ATXN1: variants seen among roughly 807,000 people sequenced by gnomAD.
ATXN1 encodes ataxin-1.
A neutral mutation model predicts 56.4 loss-of-function variants in ATXN1; 8 were observed. The observed-to-expected ratio is 0.14, with a 90% CI of 0.08 to 0.26. The LOEUF (loss-of-function observed/expected upper bound fraction) is 0.26, where lower values mean the gene tolerates loss of function less well. ATXN1 is among the 10% of genes least tolerant of loss of function. The probability of loss-of-function intolerance (pLI) is 1.00; values close to 1 mark genes in which losing one functional copy is unlikely to be tolerated. For missense variants in ATXN1, 987 were observed against 1,106.5 expected (o/e 0.89, Z 1.53); for synonymous variants, 514 against 494.6 (o/e 1.04, Z -0.52).
At chr6:16,379,600 A>G (rs989972478) in intron 6 of ATXN1, among the ~76,000 whole-genome samples, 1 of 152,182 alleles carries the variant, frequency 6.6e-6, no homozygotes, top group African/African-American at 2.4e-5. Context: ...TTCAATAACC[A>G]TACACTGAAC....
chr6:16,373,367 G>A (rs376921985), intron 6 of ATXN1, among the ~76,000 whole-genome samples: 1 of 152,074 alleles, frequency 6.6e-6, no homozygotes, highest in East Asian at 1.9e-4. Context: ...AATGTGTATG[G>A]TTAACAAGCA....
chr6:16,352,996 C>T (rs567177057), intron 6 of ATXN1, among the ~76,000 whole-genome samples: 1 of 152,090 alleles, frequency 6.6e-6, no homozygotes. Context: ...GGTGACTCAC[C>T]GGCGGGGAGC....
chr6:16,323,624 T>C (rs983739805), intron 7 of ATXN1, among the ~76,000 whole-genome samples: 2 of 151,706 alleles, frequency 1.3e-5, no homozygotes, highest in Admixed American at 1.3e-4. Context: ...AGTGGCTGCC[T>C]TCATTCTCAA....
intron 6 of ATXN1, among the ~76,000 whole-genome samples, chr6:16,447,803 A>G (rs1156246653): frequency 6.6e-6 from 1 of 152,194 alleles, no homozygotes; most frequent in Non-Finnish European, 1.5e-5. Context: ...GTAGCTTTTA[A>G]ACTTATTTAA....
chr6:16,652,222 T>A (rs1455755310), intron 3 of ATXN1: 3 of 152,192 alleles, frequency 2.0e-5, no homozygotes, highest in Non-Finnish European at 4.4e-5. Flanking sequence ...GGAACTACAC[T>A]CCTCTAAGCT....
At chr6:16,440,648 A>AAAAAAAAAAAAAAGAAAAAGAAAGAAAG (rs748929817) in intron 6 of ATXN1, among the ~76,000 whole-genome samples, 2 of 118,570 alleles carry the variant, frequency 1.7e-5, no homozygotes, top group East Asian at 2.7e-4. Flanking sequence ...CTTAAAAAAA[A>AAAAAAAAAAAAAAGAAAAAGAAAGAAAG]AAAAGAAAAG....
At chr6:16,483,318 C>T (rs1760476189) in intron 6 of ATXN1, among the ~76,000 whole-genome samples, 1 of 152,202 alleles carries the variant, frequency 6.6e-6, no homozygotes, top group East Asian at 1.9e-4. Context: ...TTATCACTCA[C>T]ACATTTATAC....
chr6:16,319,338 A>G (rs149119774), intron 7 of ATXN1, among the ~76,000 whole-genome samples: 35 of 152,374 alleles, frequency 2.3e-4, no homozygotes, highest in African/African-American at 8.2e-4. Flanking sequence ...GAGAGACGCC[A>G]ATGTGAAAAG....
intron 3 of ATXN1, among the ~76,000 whole-genome samples, chr6:16,643,627 C>CA (rs58223053): frequency 0.29 from 18,007 of 62,518 alleles, 2,230 homozygotes; most frequent in South Asian, 0.48. Flanking sequence ...GAGACCCTGC[C>CA]AAAAAAAAAA....
At chr6:16,484,297 G>C (rs1271586304) in intron 6 of ATXN1, among the ~76,000 whole-genome samples, 1 of 152,164 alleles carries the variant, frequency 6.6e-6, no homozygotes. Context: ...AGCCAGGCAT[G>C]GTGGTGTGCA....
rs140370240 is a variant in ATXN1 at position 16,327,738 on chromosome 6, C to T, written c.573G>A (p.Pro191=). The change falls in exon 7 of 8, where the codon CCG becomes CCA. Residue 191 remains proline, a synonymous_variant. Coordinates refer to ENST00000436367, the MANE Select transcript of ATXN1 (RefSeq NM_001128164.2). ...GCTGCTGCTGCTCAGCCTTGTGTCC[C>T]GGCGTCTGGCTCAGACTGCCCATGT... ...LANMGSLSQT[P]GHKAEQQQQQ... 69 of 1,607,584 alleles carry T rather than the reference C, an allele frequency of 4.3e-5. No homozygotes were observed. The African/African-American group carries it at 6.7e-4, about 16-fold the overall frequency.
chr6:16,419,586 C>T (rs370394992), intron 6 of ATXN1, among the ~76,000 whole-genome samples: 158 of 152,208 alleles, frequency 1.0e-3, no homozygotes, highest in African/African-American at 3.7e-3. Flanking sequence ...CTGGGCAGTG[C>T]TATTTTCAGA....
At chr6:16,398,576 C>T (rs1254801911) in intron 6 of ATXN1, among the ~76,000 whole-genome samples, 1 of 152,106 alleles carries the variant, frequency 6.6e-6, no homozygotes, top group Non-Finnish European at 1.5e-5. Flanking sequence ...TCTATATACA[C>T]ATACATATGC....
chr6:16,346,918 G>A lies in ATXN1; in HGVS notation c.-160-18448C>T, dbSNP rs544742705. ...GGTGGGAACCCGGGCTGCGCGCGTT[G>A]CTTGTGGGCCAGCGCGCGTTCCAGG... On this transcript the variant is annotated intron_variant, in intron 6 of 7. Coordinates refer to ENST00000436367, the MANE Select transcript of ATXN1 (RefSeq NM_001128164.2). Among the ~76,000 whole-genome samples the A allele has an allele frequency of 2.0e-5, 3 of 152,370 alleles. No individual in the cohort carries two copies. In the South Asian group the frequency reaches 6.2e-4, roughly 32 times the overall value.
intron 6 of ATXN1, among the ~76,000 whole-genome samples, chr6:16,463,355 T>G (rs1241235298): frequency 6.6e-6 from 1 of 152,132 alleles, no homozygotes; most frequent in Admixed American, 6.6e-5. Flanking sequence ...ACCCTATCAG[T>G]GCCCCTCAAA....
intron 6 of ATXN1, among the ~76,000 whole-genome samples, chr6:16,369,037 T>A (rs997278406): frequency 1.3e-5 from 2 of 152,210 alleles, no homozygotes; most frequent in African/African-American, 4.8e-5. Flanking sequence ...AACTCACTTA[T>A]TAAATTCAAT....
At chr6:16,723,512 A>AT (rs1187343244) in intron 2 of ATXN1, among the ~76,000 whole-genome samples, 1 of 152,186 alleles carries the variant, frequency 6.6e-6, no homozygotes, top group African/African-American at 2.4e-5. Flanking sequence ...ATCATGTTCT[A>AT]TATCACCCCT....
chr6:16,521,292 G>A (rs1036889216), intron 5 of ATXN1, among the ~76,000 whole-genome samples: 11 of 152,174 alleles, frequency 7.2e-5, no homozygotes, highest in South Asian at 4.1e-4. Flanking sequence ...GGCCGGGCGC[G>A]GTGGCTCACG....
chr6:16,523,834 TGAAA>T (rs1445162859), intron 4 of ATXN1, among the ~76,000 whole-genome samples: 1 of 152,054 alleles, frequency 6.6e-6, no homozygotes, highest in African/African-American at 2.4e-5. Context: ...AGAGGAAGCC[TGAAA>T]GAAAGGGAGA....
Sources: gnomAD v4.1 joint callset for allele counts (sites outside exome capture counted in the v4.1 genomes callset) on GRCh38, gnomAD v4.1.1 for gene constraint, MANE v1.5 for transcripts, NCBI Gene and HGNC (gene_info 2026-07-23, HGNC 2026-07-21) for gene names.